Variants in GABRB3 observed in about 807,000 individuals in gnomAD.
The protein encoded by GABRB3 is gamma-aminobutyric acid type A receptor subunit beta3.
GABRB3 carries 14 observed loss-of-function variants against 52.1 expected under a neutral mutation model. That is an observed-to-expected ratio of 0.27 (90% CI 0.18 to 0.42). The LOEUF is 0.42. GABRB3 is among the 10% of genes least tolerant of loss of function. The probability of loss-of-function intolerance (pLI) is 1.00; values close to 1 mark genes in which losing one functional copy is unlikely to be tolerated. For synonymous variants in GABRB3, 260 were observed against 232.3 expected, an observed-to-expected ratio of 1.12 and a Z score of -1.08; for missense variants, 307 against 609.1, an observed-to-expected ratio of 0.50 and a Z score of 5.22.
chr15:26,606,805 T>TATCGATAGATAGATATATTG, intron 4 of GABRB3, among the ~76,000 whole-genome samples: 1 of 117,950 alleles, frequency 8.5e-6, no homozygotes, highest in Non-Finnish European at 2.0e-5. Flanking sequence ...TAGATATATC[T>TATCGATAGATAGATATATTG]ATAGATAGAT....
intron 3 of GABRB3, among the ~76,000 whole-genome samples, chr15:26,702,333 G>C (rs1888964312): frequency 1.3e-5 from 2 of 152,176 alleles, no homozygotes; most frequent in African/African-American, 4.8e-5. Flanking sequence ...ATCTGATAAA[G>C]AGCTTACATC....
intron 3 of GABRB3, among the ~76,000 whole-genome samples, chr15:26,758,590 T>A (rs920240108): frequency 2.0e-5 from 3 of 152,046 alleles, no homozygotes; most frequent in Non-Finnish European, 2.9e-5. Context: ...TCTGCCCCAT[T>A]AATTGACCTT....
chr15:26,699,258 T>G (rs954643094), intron 3 of GABRB3, among the ~76,000 whole-genome samples: 1 of 152,168 alleles, frequency 6.6e-6, no homozygotes, highest in African/African-American at 2.4e-5. Context: ...AAATCTAGAC[T>G]AGGCAATGCT....
chr15:26,703,279 T>G (rs1888994084), intron 3 of GABRB3, among the ~76,000 whole-genome samples: 1 of 152,142 alleles, frequency 6.6e-6, no homozygotes, highest in African/African-American at 2.4e-5. Context: ...TTGCTGTATC[T>G]TCACACAGTG....
chr15:26,682,193 C>A (rs1476575657), intron 3 of GABRB3, among the ~76,000 whole-genome samples: 1 of 152,140 alleles, frequency 6.6e-6, no homozygotes, highest in Non-Finnish European at 1.5e-5. Flanking sequence ...GACTCATCCA[C>A]AGCACAGGCA....
At position 26,547,634 on chromosome 15, in the gene GABRB3, T is replaced by A. The variant is rs542931175; in HGVS notation, c.*159A>T. 27 of 640,332 alleles carry A rather than the reference T, an allele frequency of 4.2e-5. No individual in the cohort carries two copies. In the African/African-American group the frequency reaches 4.6e-4, roughly 11 times the overall value. The allele number at this position is 640,332 out of a possible 1,614,324, so 39.7% of individuals were successfully genotyped here. ...CATCCTCATATACACGTGTATTTTA[T>A]ATATATGCTGAGAAAGTTCACATAT... On this transcript the variant is annotated 3_prime_UTR_variant, in exon 9 of 9. Coordinates refer to ENST00000311550, the MANE Select transcript of GABRB3 (RefSeq NM_000814.6).
intron 3 of GABRB3, among the ~76,000 whole-genome samples, chr15:26,680,365 C>T (rs1400958694): frequency 3.3e-5 from 5 of 152,204 alleles, no homozygotes; most frequent in African/African-American, 1.2e-4. Flanking sequence ...ACTCTTGCTC[C>T]CTTCCTAACA....
chr15:26,554,546 T>C (rs1469947303), intron 8 of GABRB3, among the ~76,000 whole-genome samples: 2 of 152,108 alleles, frequency 1.3e-5, no homozygotes, highest in Non-Finnish European at 2.9e-5. Context: ...TTTATAAAGA[T>C]GACATTTATA....
chr15:26,569,079 C>T (rs913713465), intron 6 of GABRB3, among the ~76,000 whole-genome samples: 5 of 152,160 alleles, frequency 3.3e-5, no homozygotes, highest in African/African-American at 9.7e-5. Flanking sequence ...CTACTCCAAG[C>T]CTGGCAGGCT....
At chr15:26,612,013 G>A (rs1892088693) in intron 4 of GABRB3, 1 of 152,180 alleles carries the variant, frequency 6.6e-6, no homozygotes, top group African/African-American at 2.4e-5. Flanking sequence ...CTAGTCACAT[G>A]CCTGAAGTAA....
At chr15:26,686,480 T>G (rs1888409746) in intron 3 of GABRB3, among the ~76,000 whole-genome samples, 1 of 152,218 alleles carries the variant, frequency 6.6e-6, no homozygotes, top group African/African-American at 2.4e-5. Flanking sequence ...TGAGATCCAT[T>G]ACTATACACA....
At chr15:26,690,858 C>A (rs1026614960) in intron 3 of GABRB3, among the ~76,000 whole-genome samples, 3 of 149,420 alleles carry the variant, frequency 2.0e-5, no homozygotes, top group Middle Eastern at 3.4e-3. Context: ...CTGTTTGATT[C>A]TGGTGCAAGG....
intron 3 of GABRB3, among the ~76,000 whole-genome samples, chr15:26,768,157 A>C (rs1891047252): frequency 6.6e-6 from 1 of 152,316 alleles, no homozygotes; most frequent in South Asian, 2.1e-4. Flanking sequence ...ATTTTTAAAA[A>C]CAAAAAACAA....
chr15:26,661,047 A>T (rs969401391), intron 3 of GABRB3, among the ~76,000 whole-genome samples: 1 of 152,156 alleles, frequency 6.6e-6, no homozygotes, highest in African/African-American at 2.4e-5. Flanking sequence ...TGGTCTCCCA[A>T]AATCCTGGGA....
At chr15:26,691,021 G>A (rs960000092) in intron 3 of GABRB3, among the ~76,000 whole-genome samples, 4 of 150,672 alleles carry the variant, frequency 2.7e-5, no homozygotes, top group Non-Finnish European at 5.9e-5. Flanking sequence ...CCTCCTGTTC[G>A]CAATGCATCT....
intron 4 of GABRB3, among the ~76,000 whole-genome samples, chr15:26,595,469 A>C (rs1455552396): frequency 2.0e-5 from 3 of 152,096 alleles, no homozygotes; most frequent in Admixed American, 1.3e-4. Context: ...TTTTTAATAT[A>C]GCTTTTTTCT....
intron 3 of GABRB3, among the ~76,000 whole-genome samples, chr15:26,644,798 G>T (rs1031846970): frequency 6.6e-6 from 1 of 152,206 alleles, no homozygotes; most frequent in Non-Finnish European, 1.5e-5. Context: ...TCCATAGCCT[G>T]AGGAGCAGAA....
At chr15:26,677,042 G>C (rs1326481226) in intron 3 of GABRB3, among the ~76,000 whole-genome samples, 2 of 152,308 alleles carry the variant, frequency 1.3e-5, no homozygotes, top group Middle Eastern at 3.4e-3. Context: ...ACTCTTCCAT[G>C]ATTGAAATGG....
At chr15:26,654,805 T>C (rs1413287374) in intron 3 of GABRB3, among the ~76,000 whole-genome samples, 1 of 152,108 alleles carries the variant, frequency 6.6e-6, no homozygotes, top group African/African-American at 2.4e-5. Flanking sequence ...TTTGTAAATT[T>C]TTTTTTGTTT....
Sources: gnomAD v4.1 joint callset for allele counts (sites outside exome capture counted in the v4.1 genomes callset) on GRCh38, gnomAD v4.1.1 for gene constraint, MANE v1.5 for transcripts, NCBI Gene and HGNC (gene_info 2026-07-23, HGNC 2026-07-21) for gene names.